Variants in IL7 observed in about 807,000 individuals in gnomAD.
IL7 encodes the protein interleukin 7.
Under a neutral mutation model 21.6 loss-of-function variants are expected in IL7, and 3 were observed. The observed-to-expected ratio is 0.14, with a 90% CI of 0.06 to 0.36. IL7 has a LOEUF of 0.36. IL7 is among the 10% of genes least tolerant of loss of function. The pLI is 1.00. For missense variants in IL7, 175 were observed against 200.2 expected (o/e 0.87, Z 0.76); for synonymous variants, 62 against 68.1 (o/e 0.91, Z 0.44).
chr8:78,761,030 C>T lies in IL7; in HGVS notation c.148-20948G>A, dbSNP rs2130762066. The T allele has an allele frequency of 8.7e-6, 14 of 1,612,328 alleles. No homozygotes were observed. The South Asian group carries it at 1.2e-4, about 14-fold the overall frequency. ...TACTGCACTGCAGAGTACAAATGCT[C>T]GGCCAGCTATACAGTTATTCCATCT... On this transcript the variant is annotated intron_variant, in intron 2 of 5. Transcript: ENST00000263851.
chr8:78,750,561 C>T (rs758177004), intron 2 of IL7, among the ~76,000 whole-genome samples: 4 of 152,178 alleles, frequency 2.6e-5, no homozygotes, highest in East Asian at 1.9e-4. Context: ...TGGTGGCTCA[C>T]GCCTGTAATC....
chr8:78,708,051 A>G (rs1428127562), intron 3 of IL7, among the ~76,000 whole-genome samples: 1 of 152,166 alleles, frequency 6.6e-6, no homozygotes, highest in Admixed American at 6.5e-5. Flanking sequence ...ATCTATTGGC[A>G]TGTCACAGAA....
At chr8:78,680,067 A>C (rs1809718564) in intron 4 of IL7, among the ~76,000 whole-genome samples, 1 of 152,076 alleles carries the variant, frequency 6.6e-6, no homozygotes, top group South Asian at 2.1e-4. Flanking sequence ...TATTTAATGT[A>C]ATTATGCTTC....
chr8:78,778,002 A>G (rs760154040), intron 2 of IL7, among the ~76,000 whole-genome samples: 2 of 152,008 alleles, frequency 1.3e-5, no homozygotes, highest in African/African-American at 4.8e-5. Flanking sequence ...CTAGAGCTAC[A>G]TGGGGCCATT....
intron 2 of IL7, among the ~76,000 whole-genome samples, chr8:78,790,932 A>C (rs1370014035): frequency 6.6e-6 from 1 of 152,118 alleles, no homozygotes; most frequent in Non-Finnish European, 1.5e-5. Context: ...AAAAAAAAAA[A>C]AAGTAAAATG....
chr8:78,805,144 T>C lies in IL7; in HGVS notation c.-222A>G. On this transcript the variant is annotated 5_prime_UTR_variant, in exon 1 of 6. Transcript: ENST00000263851. ...CTACGGCGTGGCTCTGCGCTTTGCC[T>C]TTTCCATAACTTCCGTAGGATCCGC... 2.0e-6 allele frequency: 1 copy of C among 498,602 alleles called. No individual in the cohort carries two copies. 30.9% of individuals were successfully genotyped at this position (498,602 alleles called of 1,614,324 possible).
At chr8:78,792,824 T>C (rs898932751) in intron 2 of IL7, among the ~76,000 whole-genome samples, 10 of 152,112 alleles carry the variant, frequency 6.6e-5, no homozygotes, top group African/African-American at 2.2e-4. Flanking sequence ...TAACTGCTGA[T>C]AGAAACGCAA....
intron 2 of IL7, among the ~76,000 whole-genome samples, chr8:78,787,761 T>A (rs1586106502): frequency 6.6e-6 from 1 of 152,070 alleles, no homozygotes; most frequent in South Asian, 2.1e-4. Context: ...CAAAGTGGAG[T>A]GTTAGTGAAT....
downstream of IL7, among the ~76,000 whole-genome samples, chr8:78,675,542 T>C (rs1033392766): frequency 2.0e-5 from 3 of 151,994 alleles, no homozygotes; most frequent in African/African-American, 7.2e-5. Flanking sequence ...AACTAGATAT[T>C]TCCAGCAGTA....
chr8:78,696,286 G>A lies in IL7; in HGVS notation n.215-10339C>T, dbSNP rs746871173. Among the ~76,000 whole-genome samples, 6 of 152,058 alleles carry A rather than the reference G, an allele frequency of 3.9e-5. No individual in the cohort carries two copies. In the East Asian group the frequency reaches 5.8e-4, roughly 15 times the overall value. ...CCTGACCTTGTGATCCACCTGCCTC[G>A]GCCTTCCAAAGTGCTGGGATTACAG... On this transcript the variant is annotated intron_variant and non_coding_transcript_variant, in intron 3 of 4. Coordinates refer to the IL7 transcript ENST00000523959.
intron 4 of IL7, among the ~76,000 whole-genome samples, chr8:78,681,717 C>T (rs747928832): frequency 1.3e-5 from 2 of 151,978 alleles, no homozygotes; most frequent in African/African-American, 2.4e-5. Context: ...AAATAAATGA[C>T]ATTTTGATTT....
At chr8:78,743,816 C>A (rs1811882229) in intron 2 of IL7, among the ~76,000 whole-genome samples, 2 of 152,036 alleles carry the variant, frequency 1.3e-5, no homozygotes, top group Non-Finnish European at 2.9e-5. Flanking sequence ...CCCCCTGGCA[C>A]AATTTGGCCA....
chr8:78,783,406 T>C (rs1813407007), intron 2 of IL7, among the ~76,000 whole-genome samples: 1 of 152,108 alleles, frequency 6.6e-6, no homozygotes, highest in Non-Finnish European at 1.5e-5. Context: ...TTGCTTTCTG[T>C]CAGTTGCACC....
intron 2 of IL7, among the ~76,000 whole-genome samples, chr8:78,751,343 A>G (rs972659073): frequency 1.3e-5 from 2 of 152,212 alleles, no homozygotes; most frequent in African/African-American, 4.8e-5. Context: ...GAGAGGAATG[A>G]AATATTCAAA....
downstream of IL7, among the ~76,000 whole-genome samples, chr8:78,714,980 T>C (rs1811055075): frequency 6.6e-6 from 1 of 152,216 alleles, no homozygotes; most frequent in African/African-American, 2.4e-5. Flanking sequence ...ATGTAAAGCA[T>C]ATATACATAT....
chr8:78,762,674 C>G (rs1812617826), intron 2 of IL7, among the ~76,000 whole-genome samples: 1 of 151,038 alleles, frequency 6.6e-6, no homozygotes, highest in Non-Finnish European at 1.5e-5. Flanking sequence ...CTATTGTGTC[C>G]TCTTGTATTT....
chr8:78,683,345 A>G (rs1809852168), intron 4 of IL7, among the ~76,000 whole-genome samples: 1 of 152,220 alleles, frequency 6.6e-6, no homozygotes, highest in South Asian at 2.1e-4. Flanking sequence ...AGGTGTTTCC[A>G]TACATTCTCT....
At chr8:78,693,308 C>T (rs1297057425) in intron 3 of IL7, among the ~76,000 whole-genome samples, 2 of 151,360 alleles carry the variant, frequency 1.3e-5, no homozygotes, top group Admixed American at 1.3e-4. Flanking sequence ...AATCACCACA[C>T]TGACTTCCAC....
chr8:78,800,169 G>C (rs1814004694), intron 1 of IL7, among the ~76,000 whole-genome samples: 1 of 152,168 alleles, frequency 6.6e-6, no homozygotes, highest in Non-Finnish European at 1.5e-5. Flanking sequence ...GTAAAAACAT[G>C]CAGCATTTGA....
Sources: gnomAD v4.1 joint callset for allele counts (sites outside exome capture counted in the v4.1 genomes callset) on GRCh38, gnomAD v4.1.1 for gene constraint, MANE v1.5 for transcripts, NCBI Gene and HGNC (gene_info 2026-07-23, HGNC 2026-07-21) for gene names.